CHMP2A: variants seen among roughly 807,000 people sequenced by gnomAD.
CHMP2A encodes VPS2 homolog A.
Under a neutral mutation model 21.8 loss-of-function variants are expected in CHMP2A, and 6 were observed. The ratio of observed to expected loss-of-function variants is 0.28; its 90% confidence interval spans 0.15 to 0.54. The LOEUF is 0.54. CHMP2A is among the 20% of genes least tolerant of loss of function. The pLI, the probability that CHMP2A is intolerant of heterozygous loss-of-function variation, is 0.95. For synonymous variants in CHMP2A, 125 were observed against 107.0 expected (o/e 1.17, Z -1.04); for missense variants, 303 against 293.9 (o/e 1.03, Z -0.23).
In CHMP2A at chr19:58,552,483, C is replaced by T. The variant is rs540766270; in HGVS notation, c.169-45G>A. 2.1e-5 allele frequency: 33 copies of T among 1,575,448 alleles called. No homozygotes were observed. In the Admixed American group the frequency reaches 4.3e-4, roughly 21 times the overall value. On this transcript the variant is annotated intron_variant, in intron 2 of 5. Coordinates refer to ENST00000312547, the MANE Select transcript of CHMP2A (RefSeq NM_014453.4). ...ATCAAGGACACAGGAATGAGATTAT[C>T]CTACACTTCTTGACACCCCATTAGT...
chr19:58,554,470 C>G, intron 1 of CHMP2A: 1 of 484,608 alleles, frequency 2.1e-6, no homozygotes, highest in Non-Finnish European at 3.7e-6. Flanking sequence ...TCCTTCATCG[C>G]CATGCCCCAA....
At position 58,551,940 on chromosome 19, in the gene CHMP2A, A is replaced by G. The variant is rs766696414; in HGVS notation, c.507T>C (p.Asp169=). ...CATCTGTTAGGCTAAGTCCCAGCTCATCCAGAACCTGGGACACCACAGCAT... is the reference window on the plus strand; with the variant it reads ...CATCTGTTAGGCTAAGTCCCAGCTCGTCCAGAACCTGGGACACCACAGCAT... ...ESDAVVSQVL[D]ELGLSLTDEL... is the part of the protein sequence containing the mutation. The change falls in exon 5 of 6, where the codon GAT becomes GAC. Residue 169 remains aspartate, a synonymous_variant. Coordinates refer to ENST00000312547, the MANE Select transcript of CHMP2A (RefSeq NM_014453.4). The G allele has an allele frequency of 6.2e-7, 1 of 1,614,194 alleles. No individual in the cohort carries two copies. The highest frequency in any genetic ancestry group is 1.1e-5 in the South Asian group (1 of 91,084).
chr19:58,552,103 T>G lies in CHMP2A; in HGVS notation c.431A>C (p.Asn144Thr). ...ACCCATGGCATCATCAATGGCATCA[T>G]TCATCATCTCCTCCTTCATATCCAT... ...EIMDMKEEMMNDAIDDAMGDE... is the reference protein window; with the variant it reads ...EIMDMKEEMMTDAIDDAMGDE... The change falls in exon 4 of 6, where the codon AAT becomes ACT. Residue 144 changes from asparagine (N) to threonine (T), a missense_variant. Asn to Thr is a moderately conservative substitution (Grantham distance 65). Coordinates refer to ENST00000312547, the MANE Select transcript of CHMP2A (RefSeq NM_014453.4). The G allele has an allele frequency of 6.2e-7, 1 of 1,614,222 alleles. No individual in the cohort carries two copies. The highest frequency in any genetic ancestry group is 1.3e-5 in the African/African-American group (1 of 75,056).
At position 58,551,674 on chromosome 19, in the gene CHMP2A, C is replaced by T; in HGVS notation, c.644G>A (p.Arg215Gln). 1 of 1,614,038 alleles carries T rather than the reference C, an allele frequency of 6.2e-7. No homozygotes were observed. The highest frequency in any genetic ancestry group is 8.5e-7 in the Non-Finnish European group (1 of 1,180,020). Residue 215 changes from arginine to glutamine, a missense_variant, in exon 6 of 6, where the codon CGG becomes CAG. By Grantham distance (43) the Arg-to-Gln change is conservative. Transcript: ENST00000312547. ...LADADADLEE[R>Q]LKNLRRD is the part of the protein sequence containing the mutation. ...TCAGTCCCTCCGCAGGTTCTTAAGC[C>T]GTTCCTCCAGGTCTGCATCAGCATC...
chr19:58,552,578 T>A (rs1382937983), intron 2 of CHMP2A, 140 bp from the exon 3 acceptor site: 1 of 790,470 alleles, frequency 1.3e-6, no homozygotes, highest in African/African-American at 1.7e-5. Flanking sequence ...GCTAACCCAA[T>A]GGTCACTGGT....
intron 1 of CHMP2A, 77 bp from the exon 2 acceptor site, chr19:58,554,313 G>A (rs2053867540): frequency 7.2e-7 from 1 of 1,385,002 alleles, no homozygotes; most frequent in African/African-American, 1.5e-5. Flanking sequence ...GGTCACGGGA[G>A]CCTTGCCAAA....
rs751266924 is a variant in CHMP2A at position 58,551,974 on chromosome 19, AAG to A, written c.480-9_480-8del. 37 of 1,613,988 alleles carry A rather than the reference AAG, an allele frequency of 2.3e-5. No individual in the cohort carries two copies. The highest frequency in any genetic ancestry group is 4.0e-5 in the African/African-American group (3 of 74,892). ...CTGGGACACCACAGCATCACTAGGG[AAG>A]AGAGAGAACTCAGTGAGGGCTATGC... On this transcript the variant is annotated splice_region_variant and splice_polypyrimidine_tract_variant and intron_variant, in intron 4 of 5. Transcript: ENST00000312547.
In CHMP2A at chr19:58,552,114, C is replaced by T. The variant is rs763213689; in HGVS notation, c.420G>A (p.Glu140=). ...CATCAATGGCATCATTCATCATCTC[C>T]TCCTTCATATCCATGATCTCTGCCT... The part of the protein sequence containing the change: ...ERQAEIMDMK[E]EMMNDAIDDA... Residue 140 remains glutamate, a synonymous_variant, in exon 4 of 6, where the codon GAG becomes GAA. Transcript: ENST00000312547. 3 of 1,614,102 alleles carry T rather than the reference C, an allele frequency of 1.9e-6. No individual in the cohort carries two copies. Among genetic ancestry groups the T allele is most frequent in the African/African-American group, 1.3e-5 (1 of 74,934 alleles).
chr19:58,552,282 C>T lies in CHMP2A; in HGVS notation c.325G>A (p.Ala109Thr). The T allele has an allele frequency of 3.7e-6, 6 of 1,614,188 alleles. No individual in the cohort carries two copies. The highest frequency in any genetic ancestry group is 5.1e-6 in the Non-Finnish European group (6 of 1,180,034). Residue 109 changes from alanine (A) to threonine (T), a missense_variant, in exon 3 of 6, where the codon GCC (alanine) becomes ACC (threonine). Ala to Thr is a moderately conservative substitution (Grantham distance 58). Coordinates refer to ENST00000312547, the MANE Select transcript of CHMP2A (RefSeq NM_014453.4). ...MAQAMKGVTK[A>T]MGTMNRQLKL... Reference sequence around the variant, plus strand: ...ACCTGTCTGTTCATGGTGCCCATGGCCTTGGTGACACCCTTCATGGCTTGT... The same window carrying T: ...ACCTGTCTGTTCATGGTGCCCATGGTCTTGGTGACACCCTTCATGGCTTGT...
chr19:58,553,401 C>G (rs562375707), intron 2 of CHMP2A, among the ~76,000 whole-genome samples: 2 of 126,544 alleles, frequency 1.6e-5, no homozygotes, highest in Admixed American at 8.6e-5. Context: ...GACAGAGTCT[C>G]GCTCTGTCAC....
intron 2 of CHMP2A, among the ~76,000 whole-genome samples, chr19:58,553,344 G>A (rs951984343): frequency 2.1e-5 from 3 of 146,072 alleles, no homozygotes; most frequent in Non-Finnish European, 4.5e-5. Flanking sequence ...CCATCATGCC[G>A]GGCCAGCTTA....
intron 2 of CHMP2A, among the ~76,000 whole-genome samples, chr19:58,552,886 A>G (rs1175985835): frequency 6.6e-6 from 1 of 151,974 alleles, no homozygotes; most frequent in Non-Finnish European, 1.5e-5. Context: ...TCAGCTTTTG[A>G]TTTCCTCTCC....
At chr19:58,554,681 GGT>G (rs1441575410) in intron 1 of CHMP2A, 4 of 172,046 alleles carry the variant, frequency 2.3e-5, no homozygotes, top group African/African-American at 9.6e-5. Flanking sequence ...ACCAAGAACA[GGT>G]GAATGTGGGG....
intron 2 of CHMP2A, chr19:58,553,737 C>T (rs1568667660): frequency 2.6e-6 from 1 of 378,840 alleles, no homozygotes; most frequent in Non-Finnish European, 4.9e-6. Flanking sequence ...TTGTCTGGTC[C>T]ATGCCCAACT....
At position 58,552,385 on chromosome 19, in the gene CHMP2A, G is replaced by A. The variant is rs1600087421; in HGVS notation, c.222C>T (p.Arg74=). ...KDLVRTRRYV[R]KFVLMRANIQ... is the part of the protein sequence containing the mutation. ...TGTTGGCCCGCATCAATACAAACTTGCGCACATAGCGCCGGGTGCGCACCA... is the reference window on the plus strand; with the variant it reads ...TGTTGGCCCGCATCAATACAAACTTACGCACATAGCGCCGGGTGCGCACCA... The change falls in exon 3 of 6, where the codon CGC becomes CGT. Residue 74 remains arginine, a synonymous_variant. Coordinates refer to ENST00000312547, the MANE Select transcript of CHMP2A (RefSeq NM_014453.4). The A allele has an allele frequency of 1.2e-6, 2 of 1,614,178 alleles. No homozygotes were observed. Among genetic ancestry groups the A allele is most frequent in the East Asian group, 2.2e-5 (1 of 44,888 alleles).
At chr19:58,554,857 T>TTA in intron 1 of CHMP2A, 131 bp downstream of exon 1, 1 of 152,348 alleles carries the variant, frequency 6.6e-6, no homozygotes, top group South Asian at 2.0e-4. Context: ...CAAGGTGGTG[T>TTA]TGGAGACCTC....
At chr19:58,552,014 C>G (rs1359415647) in intron 4 of CHMP2A, 41 bp downstream of exon 4, 17 of 1,614,030 alleles carry the variant, frequency 1.1e-5, no homozygotes, top group Non-Finnish European at 1.4e-5. Context: ...TCCGTGAGGG[C>G]CAGGCAAACA....
chr19:58,552,887 T>C (rs919625756), intron 2 of CHMP2A, among the ~76,000 whole-genome samples: 1 of 152,160 alleles, frequency 6.6e-6, no homozygotes, highest in East Asian at 1.9e-4. Flanking sequence ...CAGCTTTTGA[T>C]TTCCTCTCCA....
At position 58,554,082 on chromosome 19, in the gene CHMP2A, A is replaced by G. The variant is rs1055130374; in HGVS notation, c.131T>C (p.Ile44Thr). 3 of 1,613,980 alleles carry G rather than the reference A, an allele frequency of 1.9e-6. No individual in the cohort carries two copies. The highest frequency in any genetic ancestry group is 1.7e-5 in the Admixed American group (1 of 60,000). The change falls in exon 2 of 6, where the codon ATT (isoleucine) becomes ACT (threonine). Residue 44 changes from isoleucine (I) to threonine (T), a missense_variant. Coordinates refer to ENST00000312547, the MANE Select transcript of CHMP2A (RefSeq NM_014453.4). ...CTTGGCCATCTTCTTAATGTCTGCAATGATTTTCTTCTCCTGGGTCTCTAG... is the reference window on the plus strand; with the variant it reads ...CTTGGCCATCTTCTTAATGTCTGCAGTGATTTTCTTCTCCTGGGTCTCTAG... ...QKLETQEKKI[I>T]ADIKKMAKQG...
Sources: allele counts gnomAD v4.1 joint callset (sites outside exome capture counted in the v4.1 genomes callset), GRCh38; gene constraint gnomAD v4.1.1; transcripts MANE v1.5; gene names NCBI Gene and HGNC (gene_info 2026-07-23, HGNC 2026-07-21).